PHF14: variants seen among roughly 807,000 people sequenced by gnomAD.
The protein encoded by PHF14 is PHD finger protein 14.
In PHF14, 55 loss-of-function variants were observed where a neutral mutation model predicts 117.9. That is an observed-to-expected ratio of 0.47 (90% CI 0.38 to 0.58). The LOEUF is 0.58. Ranked by LOEUF, PHF14 falls within the 20% of genes least tolerant of loss-of-function variation. PHF14 has a pLI of 0.00. For missense variants in PHF14, 978 were observed against 1,122.2 expected, an observed-to-expected ratio of 0.87 and a Z score of 1.84; for synonymous variants, 409 against 368.6, an observed-to-expected ratio of 1.11 and a Z score of -1.26.
At chr7:11,103,660 G>A (rs987198703) in intron 16 of PHF14, 128 of 984,864 alleles carry the variant, frequency 1.3e-4, no homozygotes, top group Non-Finnish European at 1.5e-4. Flanking sequence ...ACATCTTTTC[G>A]GGTATAGTGA....
rs1246116958 is a variant in PHF14, at chr7:11,001,853, T to A, written c.1045+11006T>A. Among the ~76,000 whole-genome samples the A allele has an allele frequency of 2.6e-5, 4 of 152,242 alleles. No homozygotes were observed. The East Asian group carries it at 7.7e-4, about 29-fold the overall frequency. ...TTCTTTCTTTCCAGTGTGTATATTT[T>A]TGTTTCCCTTTCTTGTCTTATTACC... On this transcript the variant is annotated intron_variant, in intron 4 of 17. Coordinates refer to ENST00000634607, the MANE Select transcript of PHF14 (RefSeq NM_001007157.2).
chr7:11,042,629 T>C (rs1784536018), intron 12 of PHF14, 54 bp from the exon 13 acceptor site: 1 of 1,244,906 alleles, frequency 8.0e-7, no homozygotes, highest in Non-Finnish European at 1.1e-6. Flanking sequence ...ATAAGTAAAC[T>C]GTTTCACTAT....
intron 17 of PHF14, among the ~76,000 whole-genome samples, chr7:11,153,939 C>CTGTGTGTG (rs975709011): frequency 3.6e-5 from 5 of 138,420 alleles, no homozygotes; most frequent in African/African-American, 1.4e-4. Context: ...TGGTCCCTGT[C>CTGTGTGTG]TGTGTGTGCG....
chr7:11,042,562 A>C, intron 12 of PHF14, 121 bp from the exon 13 acceptor site: 1 of 620,626 alleles, frequency 1.6e-6, no homozygotes, highest in Non-Finnish European at 2.7e-6. Context: ...TGTCTATCTC[A>C]ACAGAAGAAA....
At chr7:11,031,562 G>C (rs1196167253) in intron 7 of PHF14, among the ~76,000 whole-genome samples, 2 of 150,404 alleles carry the variant, frequency 1.3e-5, no homozygotes, top group African/African-American at 4.9e-5. Flanking sequence ...AGGCCAGTTT[G>C]GGCAACATAG....
chr7:11,162,763 G>A (rs1789083863), intron 17 of PHF14, among the ~76,000 whole-genome samples: 2 of 148,770 alleles, frequency 1.3e-5, no homozygotes, highest in South Asian at 4.3e-4. Flanking sequence ...GTGCATTGGC[G>A]CAACCTCCGC....
At chr7:11,032,152 C>G (rs1183090385) in intron 7 of PHF14, among the ~76,000 whole-genome samples, 3 of 152,120 alleles carry the variant, frequency 2.0e-5, no homozygotes, top group African/African-American at 7.2e-5. Context: ...ATAGTCCTAA[C>G]TGCTCAGGAG....
chr7:11,065,393 G>C (rs1018257893), intron 16 of PHF14, among the ~76,000 whole-genome samples: 1 of 151,916 alleles, frequency 6.6e-6, no homozygotes, highest in African/African-American at 2.4e-5. Flanking sequence ...TTTTTGTTTC[G>C]ACAGTTCATG....
rs897375402 is a variant in PHF14, at chr7:11,130,794, C to T, written c.2772+19327C>T. Among the ~76,000 whole-genome samples, 1 of 151,914 alleles carries T rather than the reference C, an allele frequency of 6.6e-6. No individual in the cohort carries two copies. The highest frequency in any genetic ancestry group is 2.4e-5 in the African/African-American group (1 of 41,406). ...TTACAGTGTCATACAGAATAGTTCA[C>T]TGCCCTAAAGATCTCCTGTGCTCTG... On this transcript the variant is annotated intron_variant, in intron 17 of 17. Coordinates refer to ENST00000634607, the MANE Select transcript of PHF14 (RefSeq NM_001007157.2). This position sits in a 1 kb window ranked among gnomAD's most constrained non-coding sequence, Gnocchi z 4.2.
At chr7:10,982,287 G>A in intron 2 of PHF14, 85 bp from the exon 3 acceptor site, 1 of 854,202 alleles carries the variant, frequency 1.2e-6, no homozygotes, top group Non-Finnish European at 1.7e-6. Flanking sequence ...ACAAATTTTG[G>A]TGGTTTCATT....
chr7:11,061,722 T>G, intron 14 of PHF14, 69 bp from the exon 15 acceptor site: 1 of 1,167,248 alleles, frequency 8.6e-7, no homozygotes. Flanking sequence ...AAATTTATAT[T>G]TATTATTAAT....
intron 5 of PHF14, among the ~76,000 whole-genome samples, chr7:11,022,458 A>T (rs907917805): frequency 2.0e-5 from 3 of 152,196 alleles, no homozygotes; most frequent in Non-Finnish European, 2.9e-5. Context: ...CAGTTATTAA[A>T]TTAGTATCCT....
intron 16 of PHF14, chr7:11,107,496 A>G (rs538052336): frequency 1.2e-6 from 1 of 868,010 alleles, no homozygotes; most frequent in South Asian, 5.3e-5. Context: ...TTTATCTTAT[A>G]ATTGGGATTC....
intron 14 of PHF14, chr7:11,061,296 A>G: frequency 6.6e-6 from 1 of 152,214 alleles, no homozygotes; most frequent in Non-Finnish European, 1.5e-5. Flanking sequence ...GATTTTGGAT[A>G]TGTGAGAACT....
chr7:11,062,848 G>A (rs1785279077), intron 16 of PHF14: 1 of 984,912 alleles, frequency 1.0e-6, no homozygotes, highest in African/African-American at 1.7e-5. Context: ...TCAAAGGACA[G>A]TGTCACAAAA....
At chr7:11,025,954 A>G (rs926881985) in intron 6 of PHF14, among the ~76,000 whole-genome samples, 2 of 152,024 alleles carry the variant, frequency 1.3e-5, no homozygotes, top group East Asian at 3.9e-4. Context: ...TCTACTAAAA[A>G]TACAAAAATT....
intron 6 of PHF14, among the ~76,000 whole-genome samples, chr7:11,025,336 A>G (rs1210374608): frequency 6.6e-6 from 1 of 152,240 alleles, no homozygotes; most frequent in Non-Finnish European, 1.5e-5. Context: ...AGGATATTAC[A>G]TAAACTTGAT....
chr7:11,143,539 CAT>C (rs1202603747), intron 17 of PHF14, among the ~76,000 whole-genome samples: 3 of 151,974 alleles, frequency 2.0e-5, no homozygotes, highest in Non-Finnish European at 2.9e-5. Context: ...GGAAATAATA[CAT>C]GTTTATTACA....
chr7:11,138,786 C>T (rs1788319062), intron 17 of PHF14, among the ~76,000 whole-genome samples: 1 of 152,222 alleles, frequency 6.6e-6, no homozygotes, highest in East Asian at 1.9e-4. Context: ...CTTGTTTTTA[C>T]AATTTGAAGA....
Sources: allele counts gnomAD v4.1 joint callset (sites outside exome capture counted in the v4.1 genomes callset), GRCh38; gene constraint gnomAD v4.1.1; non-coding constraint Gnocchi (gnomAD v3.1); transcripts MANE v1.5; gene names NCBI Gene and HGNC (gene_info 2026-07-23, HGNC 2026-07-21).